TMEM62: variants seen among roughly 807,000 people sequenced by gnomAD.
TMEM62 encodes transmembrane protein 62.
In TMEM62, 41 loss-of-function variants were observed where a neutral mutation model predicts 70.4. The ratio of observed to expected loss-of-function variants is 0.58; its 90% CI spans 0.45 to 0.76. TMEM62 has a LOEUF of 0.76. Ranked by LOEUF, TMEM62 falls within the 30% of genes least tolerant of loss-of-function variation. TMEM62 has a pLI of 0.00. For missense variants in TMEM62, 688 were observed against 788.5 expected (o/e 0.87, Z 1.53); for synonymous variants, 268 against 291.0 (o/e 0.92, Z 0.80).
At chr15:43,177,525 C>G (rs1481237410) in intron 11 of TMEM62, among the ~76,000 whole-genome samples, 1 of 152,082 alleles carries the variant, frequency 6.6e-6, no homozygotes, top group Non-Finnish European at 1.5e-5. Context: ...GACTATAAAT[C>G]ATGCTGCTAT....
At position 43,171,149 on chromosome 15, in the gene TMEM62, G is replaced by A. The variant is rs571424014; in HGVS notation, c.1381+1472G>A. 5.3e-5 allele frequency among the ~76,000 whole-genome samples: 8 copies of A among 152,114 alleles called. No homozygotes were observed. In the East Asian group the frequency reaches 9.7e-4, roughly 18 times the overall value. On this transcript the variant is annotated intron_variant, in intron 11 of 13. Transcript: ENST00000260403. ...TCAGGAGTTCAAGACCAGCCTGGCC[G>A]ACATGGTGAAACCTCATCTCCACTA...
At chr15:43,151,648 A>C in intron 7 of TMEM62, 142 bp from the exon 8 acceptor site, 1 of 728,622 alleles carries the variant, frequency 1.4e-6, no homozygotes. Flanking sequence ...GAAGAAAGAA[A>C]GAAAATATTA....
At chr15:43,163,551 G>C (rs1282881776) in intron 10 of TMEM62, among the ~76,000 whole-genome samples, 1 of 152,088 alleles carries the variant, frequency 6.6e-6, no homozygotes, top group African/African-American at 2.4e-5. Context: ...GGGAGGCTGA[G>C]GCGGGCGGAT....
At chr15:43,162,100 A>G (rs1235134126) in intron 10 of TMEM62, among the ~76,000 whole-genome samples, 1 of 152,018 alleles carries the variant, frequency 6.6e-6, no homozygotes, top group Non-Finnish European at 1.5e-5. Flanking sequence ...ATAACATATT[A>G]GCTGCATTAT....
Position 43,133,958 on chromosome 15 carries a change from C to A in TMEM62, c.156C>A (p.Asp52Glu). 1.4e-6 allele frequency: 2 copies of A among 1,462,922 alleles called. No homozygotes were observed. The highest frequency in any genetic ancestry group is 2.7e-5 in the Admixed American group (1 of 37,548). 90.6% of individuals were successfully genotyped at this position (1,462,922 alleles called of 1,614,324 possible). ...RRPHPAPGPG[D>E]SNIFWGLQIS... Reference sequence around the variant, plus strand: ...CGCACCCTGCGCCAGGGCCCGGAGACAGCAACATCTTCTGGGGCCTGCAGG... The same window carrying A: ...CGCACCCTGCGCCAGGGCCCGGAGAAAGCAACATCTTCTGGGGCCTGCAGG... Residue 52 changes from aspartate to glutamate, a missense_variant, in exon 1 of 14, where the codon GAC becomes GAA. By Grantham distance (45) the Asp-to-Glu change is conservative (BLOSUM62 2). Coordinates refer to ENST00000260403, the MANE Select transcript of TMEM62 (RefSeq NM_024956.4).
chr15:43,147,213 C>T (rs2036789321), intron 5 of TMEM62, among the ~76,000 whole-genome samples: 1 of 152,218 alleles, frequency 6.6e-6, no homozygotes, highest in Non-Finnish European at 1.5e-5. Context: ...ATCCACCTGC[C>T]TCAGCCTCCC....
intron 9 of TMEM62, among the ~76,000 whole-genome samples, chr15:43,155,818 G>C (rs1426741572): frequency 6.6e-6 from 1 of 152,158 alleles, no homozygotes; most frequent in Non-Finnish European, 1.5e-5. Context: ...GAAAGCTTCA[G>C]GACACAGAAT....
intron 13 of TMEM62, among the ~76,000 whole-genome samples, chr15:43,182,455 T>C (rs1207119759): frequency 7.0e-6 from 1 of 143,246 alleles, no homozygotes; most frequent in Non-Finnish European, 1.5e-5. Flanking sequence ...TTTCTTTTCT[T>C]TTTTTTTTTT....
At chr15:43,138,706 TA>T (rs2141488510) in intron 4 of TMEM62, 87 bp downstream of exon 4, 5 of 1,145,590 alleles carry the variant, frequency 4.4e-6, no homozygotes, top group East Asian at 4.7e-5. Flanking sequence ...GAGAAAACTT[TA>T]AAAAAACATT....
intron 4 of TMEM62, among the ~76,000 whole-genome samples, chr15:43,144,792 T>C (rs540024032): frequency 6.1e-4 from 93 of 152,246 alleles, no homozygotes; most frequent in African/African-American, 2.2e-3. Context: ...ATGGTGACTG[T>C]GGGGAGTTAG....
At chr15:43,141,405 C>G (rs11070391) in intron 4 of TMEM62, among the ~76,000 whole-genome samples, 134,160 of 152,260 alleles carry the variant, frequency 0.88, 59,238 homozygotes, top group Middle Eastern at 0.93. Flanking sequence ...TAGCACATCT[C>G]TTTACAGCAT....
At chr15:43,141,260 T>A (rs562550719) in intron 4 of TMEM62, among the ~76,000 whole-genome samples, 1 of 152,334 alleles carries the variant, frequency 6.6e-6, no homozygotes, top group South Asian at 2.1e-4. Context: ...GGATGTGGGT[T>A]CCTGCTCCAT....
chr15:43,148,702 A>T, intron 5 of TMEM62, 53 bp from the exon 6 acceptor site: 1 of 1,590,954 alleles, frequency 6.3e-7, no homozygotes, highest in Non-Finnish European at 8.5e-7. Flanking sequence ...TGTTGACATT[A>T]GATTTTAGCC....
At chr15:43,133,530 C>G (rs368759970), upstream of TMEM62, 646 of 323,636 alleles carry the variant, frequency 2.0e-3, 8 homozygotes, top group African/African-American at 0.013. Context: ...CATTGGTGTT[C>G]AGAGTTTCGG....
chr15:43,145,382 T>C (rs1339335062), intron 4 of TMEM62, among the ~76,000 whole-genome samples: 2 of 151,850 alleles, frequency 1.3e-5, no homozygotes, highest in Non-Finnish European at 2.9e-5. Flanking sequence ...TTTTTTTGTA[T>C]TTTTAGTAGA....
At chr15:43,138,057 G>T (rs1462039503) in intron 3 of TMEM62, among the ~76,000 whole-genome samples, 1 of 152,182 alleles carries the variant, frequency 6.6e-6, no homozygotes, top group African/African-American at 2.4e-5. Context: ...AGCCCTGAAG[G>T]CCCCTGGCTT....
chr15:43,183,559 C>A, intron 13 of TMEM62, among the ~76,000 whole-genome samples: 1 of 152,312 alleles, frequency 6.6e-6, no homozygotes, highest in East Asian at 1.9e-4. Flanking sequence ...GTCCTTCTGG[C>A]CTCTGAGAGC....
chr15:43,181,075 G>T (rs2041283868), intron 12 of TMEM62, 106 bp from the exon 13 acceptor site: 2 of 755,300 alleles, frequency 2.6e-6, no homozygotes, highest in Non-Finnish European at 2.3e-6. Flanking sequence ...CTTATAGATG[G>T]CTAGTCTCAT....
At chr15:43,150,430 T>C (rs2037224056) in intron 7 of TMEM62, among the ~76,000 whole-genome samples, 1 of 152,212 alleles carries the variant, frequency 6.6e-6, no homozygotes, top group Admixed American at 6.5e-5. Context: ...TTTTCCTGTG[T>C]CCAACCCTGG....
Sources: gnomAD v4.1 joint callset for allele counts (sites outside exome capture counted in the v4.1 genomes callset) on GRCh38, gnomAD v4.1.1 for gene constraint, MANE v1.5 for transcripts, NCBI Gene and HGNC (gene_info 2026-07-23, HGNC 2026-07-21) for gene names.